The following NR2F1-AS1 variants were observed in gnomAD, a reference collection of about 807,000 sequenced individuals.
The protein encoded by NR2F1-AS1 is NR2F1 antisense RNA 1.
At chr5:93,540,070 T>C (rs554025318) in intron 4 of NR2F1-AS1, among the ~76,000 whole-genome samples, 12 of 152,346 alleles carry the variant, frequency 7.9e-5, no homozygotes, top group African/African-American at 2.9e-4. Context: ...AACTCAGGGA[T>C]CTTGATTAAC....
intron 4 of NR2F1-AS1, among the ~76,000 whole-genome samples, chr5:93,534,234 A>C (rs72786621): frequency 0.022 from 3,311 of 152,350 alleles, 45 homozygotes; most frequent in Middle Eastern, 0.031. Context: ...CTGTGAGGTA[A>C]TACTATCATT....
intron 4 of NR2F1-AS1, among the ~76,000 whole-genome samples, chr5:93,448,999 A>G (rs1749774149): frequency 6.6e-6 from 1 of 152,228 alleles, no homozygotes; most frequent in Non-Finnish European, 1.5e-5. Flanking sequence ...ATCAAGTATC[A>G]AGGATCAAGC....
At chr5:93,433,550 C>A (rs1004651291) in intron 4 of NR2F1-AS1, among the ~76,000 whole-genome samples, 2 of 152,166 alleles carry the variant, frequency 1.3e-5, no homozygotes, top group African/African-American at 4.8e-5. Flanking sequence ...CATTGTCAGG[C>A]AATTTCATCA....
intron 4 of NR2F1-AS1, among the ~76,000 whole-genome samples, chr5:93,533,240 A>T (rs1580309896): frequency 2.0e-5 from 3 of 152,164 alleles, no homozygotes; most frequent in South Asian, 4.1e-4. Flanking sequence ...ATTTTTTTTT[A>T]AACTGGGAAA....
chr5:93,529,490 C>T (rs1334713098), intron 4 of NR2F1-AS1, among the ~76,000 whole-genome samples: 1 of 152,122 alleles, frequency 6.6e-6, no homozygotes, highest in African/African-American at 2.4e-5. Flanking sequence ...CCTCCCGCTG[C>T]CTTAATACTT....
At chr5:93,414,061 A>G (rs1748917313) in intron 4 of NR2F1-AS1, among the ~76,000 whole-genome samples, 1 of 152,240 alleles carries the variant, frequency 6.6e-6, no homozygotes, top group Non-Finnish European at 1.5e-5. Context: ...AGTCCACTGT[A>G]GAATCATTTA....
intron 4 of NR2F1-AS1, among the ~76,000 whole-genome samples, chr5:93,467,964 A>C (rs1160497051): frequency 6.6e-6 from 1 of 152,192 alleles, no homozygotes; most frequent in African/African-American, 2.4e-5. Flanking sequence ...AGCTTCATCC[A>C]TGTCCCTGCA....
At position 93,447,967 on chromosome 5, in the gene NR2F1-AS1, T is replaced by C. The variant is rs973056554; in HGVS notation, n.639-52425A>G. On this transcript the variant is annotated intron_variant and non_coding_transcript_variant, in intron 4 of 5. Coordinates refer to ENST00000660523, the Ensembl canonical transcript of NR2F1-AS1. ...AGCAAGGACAGAAAACCAAACACCA[T>C]ATGTTCTCACTCATAGGTGGGAATT... Among the ~76,000 whole-genome samples the C allele has an allele frequency of 3.3e-5, 5 of 152,004 alleles. No individual in the cohort carries two copies. In the South Asian group the frequency reaches 1.0e-3, roughly 32 times the overall value.
intron 4 of NR2F1-AS1, among the ~76,000 whole-genome samples, chr5:93,424,145 T>G (rs1749147069): frequency 6.6e-6 from 1 of 152,038 alleles, no homozygotes; most frequent in African/African-American, 2.4e-5. Flanking sequence ...CTGTACCAAA[T>G]ACTTTCTCTA....
intron 4 of NR2F1-AS1, among the ~76,000 whole-genome samples, chr5:93,445,001 A>AT (rs1446252619): frequency 6.6e-6 from 1 of 152,224 alleles, no homozygotes; most frequent in African/African-American, 2.4e-5. Flanking sequence ...TTTGAAACCA[A>AT]TAAGAACAAA....
chr5:93,581,908 GTCTCTCTCTCTC>G (rs368238145), upstream of NR2F1-AS1, among the ~76,000 whole-genome samples: 2 of 39,672 alleles, frequency 5.0e-5, no homozygotes, highest in African/African-American at 1.1e-4. Context: ...CTCTCTCTGG[GTCTCTCTCTCTC>G]TCTCTCTCTC....
intron 2 of NR2F1-AS1, chr5:93,555,112 C>T (rs1201405891): frequency 6.6e-6 from 1 of 152,152 alleles, no homozygotes; most frequent in Non-Finnish European, 1.5e-5. Context: ...CCATTATCAT[C>T]CCCCACCAAC....
At chr5:93,415,026 G>A (rs144758145) in intron 4 of NR2F1-AS1, among the ~76,000 whole-genome samples, 3 of 152,120 alleles carry the variant, frequency 2.0e-5, no homozygotes, top group Admixed American at 6.5e-5. Context: ...TTATCAGATA[G>A]AAGTTTACAT....
chr5:93,540,929 G>A (rs1267436584), intron 4 of NR2F1-AS1, among the ~76,000 whole-genome samples: 1 of 152,160 alleles, frequency 6.6e-6, no homozygotes, highest in Non-Finnish European at 1.5e-5. Flanking sequence ...CATATTACTG[G>A]TTTGATAGAA....
chr5:93,494,415 T>C (rs1204075053), intron 4 of NR2F1-AS1, among the ~76,000 whole-genome samples: 2 of 152,180 alleles, frequency 1.3e-5, no homozygotes, highest in Non-Finnish European at 2.9e-5. Context: ...GATGATCACT[T>C]GAGCCCAGCA....
intron 2 of NR2F1-AS1, among the ~76,000 whole-genome samples, chr5:93,562,058 G>A (rs1284780963): frequency 2.0e-5 from 3 of 149,742 alleles, no homozygotes; most frequent in African/African-American, 7.3e-5. Flanking sequence ...TTTAAAGTTA[G>A]CAAACATGGC....
intron 4 of NR2F1-AS1, among the ~76,000 whole-genome samples, chr5:93,527,235 C>T (rs893199957): frequency 1.3e-5 from 2 of 152,134 alleles, no homozygotes; most frequent in Non-Finnish European, 2.9e-5. Context: ...TGAGTGAACT[C>T]CCATTCACAA....
chr5:93,426,314 C>T (rs1440334617), intron 4 of NR2F1-AS1, among the ~76,000 whole-genome samples: 2 of 152,160 alleles, frequency 1.3e-5, no homozygotes, highest in Admixed American at 1.3e-4. Context: ...TCCCAAAGTG[C>T]TGGAATTACA....
At chr5:93,526,745 C>T (rs576501015) in intron 4 of NR2F1-AS1, among the ~76,000 whole-genome samples, 1 of 152,266 alleles carries the variant, frequency 6.6e-6, no homozygotes, top group South Asian at 2.1e-4. Context: ...ATGACAAAAA[C>T]CACATGATTA....
Sources: allele counts gnomAD v4.1 joint callset (sites outside exome capture counted in the v4.1 genomes callset), GRCh38; gene constraint gnomAD v4.1.1; transcripts MANE v1.5; gene names NCBI Gene and HGNC (gene_info 2026-07-23, HGNC 2026-07-21).